Variants in CNBD1 observed in about 807,000 individuals in gnomAD.
CNBD1 encodes the protein cyclic nucleotide-binding domain-containing protein 1.
In CNBD1, 71 loss-of-function variants were observed where a neutral mutation model predicts 54.4. That is an observed-to-expected ratio of 1.30 (90% CI 1.08 to 1.59). The LOEUF (loss-of-function observed/expected upper bound fraction) is 1.59. Ranked by LOEUF, CNBD1 falls within the 40% of genes most tolerant of loss-of-function variation. The pLI, the probability that CNBD1 is intolerant of heterozygous loss-of-function variation, is 0.00. For synonymous variants in CNBD1, 182 were observed against 170.7 expected, an observed-to-expected ratio of 1.07 and a Z score of -0.51; for missense variants, 659 against 518.0, an observed-to-expected ratio of 1.27 and a Z score of -2.64.
At chr8:87,200,581 T>C (rs1813839313) in intron 4 of CNBD1, among the ~76,000 whole-genome samples, 1 of 151,982 alleles carries the variant, frequency 6.6e-6, no homozygotes, top group African/African-American at 2.4e-5. Flanking sequence ...ATGGAGGACA[T>C]CTCTAATTAT....
At chr8:87,281,128 T>C (rs904017197) in intron 6 of CNBD1, among the ~76,000 whole-genome samples, 12 of 151,724 alleles carry the variant, frequency 7.9e-5, no homozygotes, top group African/African-American at 9.7e-5. Flanking sequence ...ACTGTAATCA[T>C]CTGCTGTATA....
chr8:87,269,457 A>G (rs1221792374), intron 6 of CNBD1, among the ~76,000 whole-genome samples: 1 of 152,122 alleles, frequency 6.6e-6, no homozygotes, highest in Non-Finnish European at 1.5e-5. Flanking sequence ...ATTCTGTGAA[A>G]AAATGATGTT....
At chr8:87,391,271 A>T (rs1187643954) in intron 2 of CNBD1, among the ~76,000 whole-genome samples, 1 of 152,082 alleles carries the variant, frequency 6.6e-6, no homozygotes, top group African/African-American at 2.4e-5. Context: ...TAAAAAAAAG[A>T]TAACGATTGC....
intron 10 of CNBD1, among the ~76,000 whole-genome samples, chr8:87,372,903 A>G (rs1227544383): frequency 2.0e-5 from 3 of 151,738 alleles, no homozygotes; most frequent in South Asian, 2.1e-4. Context: ...TCAACTTTGC[A>G]TATAACTGTG....
In CNBD1 at chr8:87,351,769, T is replaced by G. The variant is rs1219020503; in HGVS notation, c.1127T>G (p.Phe376Cys). The G allele has an allele frequency of 4.6e-6, 7 of 1,513,582 alleles. No individual in the cohort carries two copies. Among genetic ancestry groups the G allele is most frequent in the Non-Finnish European group, 6.2e-6 (7 of 1,136,524 alleles). 93.8% of individuals were successfully genotyped at this position (1,513,582 alleles called of 1,614,324 possible). A position where few individuals can be genotyped will look rare whatever the true frequency, so the allele number is the denominator to read the frequency against. The stretch of plus-strand genomic sequence containing the variant: ...AACATTTATAGAAGTATTATAGGAT[T>G]TGTGAAACTACGATCAAATAAAGTG... The part of the protein sequence containing the change: ...CCNIYRSIIG[F>C]VKLRSNKVKR... The change falls in exon 9 of 11, where the codon TTT becomes TGT. Residue 376 changes from phenylalanine (F) to cysteine (C), a missense_variant. By Grantham distance (205) the Phe-to-Cys change is radical. Coordinates refer to ENST00000518476, the MANE Select transcript of CNBD1 (RefSeq NM_173538.3).
At chr8:87,124,201 G>A (rs1811948254) in intron 4 of CNBD1, among the ~76,000 whole-genome samples, 1 of 151,614 alleles carries the variant, frequency 6.6e-6, no homozygotes, top group Admixed American at 6.6e-5. Context: ...TATTTCTGAT[G>A]AAATAATGCA....
chr8:87,289,334 C>T (rs557157512), intron 8 of CNBD1, among the ~76,000 whole-genome samples: 2 of 152,166 alleles, frequency 1.3e-5, no homozygotes, highest in South Asian at 2.1e-4. Flanking sequence ...GCCAAGGGAA[C>T]CTTATTATAA....
intron 4 of CNBD1, among the ~76,000 whole-genome samples, chr8:87,124,832 A>G (rs1811959940): frequency 6.6e-6 from 1 of 151,718 alleles, no homozygotes; most frequent in African/African-American, 2.4e-5. Context: ...AAATACAAGC[A>G]TCCGAGTAGG....
chr8:86,874,382 G>A (rs1426772286), intron 1 of CNBD1, among the ~76,000 whole-genome samples: 1 of 152,116 alleles, frequency 6.6e-6, no homozygotes, highest in Admixed American at 6.5e-5. Flanking sequence ...CAATATCACA[G>A]GAGTTATTTC....
chr8:87,331,350 A>G (rs1012302133), intron 8 of CNBD1, among the ~76,000 whole-genome samples: 2 of 152,140 alleles, frequency 1.3e-5, no homozygotes. Context: ...GTTGAGGTTG[A>G]TGGCTTCCAG....
chr8:87,361,253 T>A (rs1006588168), intron 10 of CNBD1, among the ~76,000 whole-genome samples: 1 of 151,998 alleles, frequency 6.6e-6, no homozygotes, highest in Non-Finnish European at 1.5e-5. Flanking sequence ...TGTTAAATTT[T>A]AAAAATGTAA....
intron 2 of CNBD1, among the ~76,000 whole-genome samples, chr8:87,416,580 A>G (rs1218918498): frequency 6.6e-6 from 1 of 152,020 alleles, no homozygotes; most frequent in South Asian, 2.1e-4. Context: ...TCATTCCCAG[A>G]CAAGCATCCT....
intron 4 of CNBD1, among the ~76,000 whole-genome samples, chr8:87,114,002 C>G (rs1393423156): frequency 6.6e-6 from 1 of 151,762 alleles, no homozygotes; most frequent in Non-Finnish European, 1.5e-5. Context: ...CATAATAATG[C>G]TGTATTAATC....
intron 8 of CNBD1, among the ~76,000 whole-genome samples, chr8:87,304,154 A>G (rs1809086126): frequency 6.6e-6 from 1 of 151,942 alleles, no homozygotes; most frequent in Non-Finnish European, 1.5e-5. Context: ...CCAAAGGACT[A>G]TAAATCATGC....
chr8:87,364,959 G>T lies in CNBD1; in HGVS notation c.1303+11173G>T, dbSNP rs192477792. Among the ~76,000 whole-genome samples, 15 of 152,176 alleles carry T rather than the reference G, an allele frequency of 9.9e-5. 1 individual carries two copies. The highest frequency in any genetic ancestry group is 1.9e-4 in the Non-Finnish European group (13 of 68,000). On this transcript the variant is annotated intron_variant, in intron 10 of 10. Transcript: ENST00000518476. ...GCAGTGCTGCAGTGAACATCGCTGT[G>T]CATGTGTCTTTATAATAGAACTATT...
chr8:87,359,514 A>G (rs1182716698), intron 10 of CNBD1, among the ~76,000 whole-genome samples: 1 of 152,168 alleles, frequency 6.6e-6, no homozygotes, highest in Admixed American at 6.6e-5. Context: ...AGATAGTTAA[A>G]TGTACATTTT....
intron 4 of CNBD1, among the ~76,000 whole-genome samples, chr8:86,988,795 C>A (rs558111493): frequency 1.3e-5 from 2 of 151,998 alleles, no homozygotes; most frequent in Non-Finnish European, 2.9e-5. Flanking sequence ...CTGTGCCTGG[C>A]TTATTTCACT....
intron 6 of CNBD1, among the ~76,000 whole-genome samples, chr8:87,264,578 T>A (rs545188579): frequency 1.3e-5 from 2 of 152,282 alleles, no homozygotes; most frequent in South Asian, 2.1e-4. Context: ...CACCACACTG[T>A]CTTCCACAAT....
chr8:87,216,668 T>C (rs1376544506), intron 5 of CNBD1, among the ~76,000 whole-genome samples: 1 of 152,060 alleles, frequency 6.6e-6, no homozygotes, highest in African/African-American at 2.4e-5. Context: ...AGTTTCAAAA[T>C]CTTACTAGTT....
Sources: allele counts gnomAD v4.1 joint callset (sites outside exome capture counted in the v4.1 genomes callset), GRCh38; gene constraint gnomAD v4.1.1; transcripts MANE v1.5; gene names NCBI Gene and HGNC (gene_info 2026-07-23, HGNC 2026-07-21).